The following CFAP61 variants were observed in gnomAD, a reference collection of about 807,000 sequenced individuals.
CFAP61 encodes cilia and flagella associated protein 61, also known as cilia- and flagella-associated protein 61.
A neutral mutation model predicts 135.6 loss-of-function variants in CFAP61; 107 were observed. That is an observed-to-expected ratio of 0.79 (90% confidence interval 0.67 to 0.93). The LOEUF is 0.93. CFAP61 is among the 40% of genes least tolerant of loss of function. CFAP61 has a pLI of 0.00. For missense variants in CFAP61, 1,507 were observed against 1,556.2 expected (o/e 0.97, Z 0.53); for synonymous variants, 575 against 578.5 (o/e 0.99, Z 0.09).
At chr20:20,103,919 CA>C (rs1294672834) in intron 8 of CFAP61, among the ~76,000 whole-genome samples, 4 of 152,156 alleles carry the variant, frequency 2.6e-5, no homozygotes, top group African/African-American at 9.7e-5. Context: ...TAAAAACAAG[CA>C]AAAAACAAAA....
chr20:20,264,658 A>T (rs1425918990), intron 21 of CFAP61, among the ~76,000 whole-genome samples: 1 of 152,190 alleles, frequency 6.6e-6, no homozygotes, highest in African/African-American at 2.4e-5. Context: ...CTGGGGGGCC[A>T]AGGTGAGAGG....
At chr20:20,318,815 G>A (rs2057283050) in intron 25 of CFAP61, among the ~76,000 whole-genome samples, 1 of 152,156 alleles carries the variant, frequency 6.6e-6, no homozygotes, top group African/African-American at 2.4e-5. Context: ...GGGATCCTGG[G>A]CAGACAAAAA....
At chr20:20,163,591 TTTTC>T (rs1278348268) in intron 10 of CFAP61, among the ~76,000 whole-genome samples, 1 of 151,634 alleles carries the variant, frequency 6.6e-6, no homozygotes. Flanking sequence ...CTAGTTTTTT[TTTTC>T]TTTATTATTA....
intron 8 of CFAP61, among the ~76,000 whole-genome samples, chr20:20,140,733 T>TA (rs71198042): frequency 0.9 from 135,943 of 150,830 alleles, 62,075 homozygotes; most frequent in Middle Eastern, 0.99. Flanking sequence ...CAAAGGACTA[T>TA]AATCATGCTG....
intron 13 of CFAP61, among the ~76,000 whole-genome samples, chr20:20,172,491 A>AT (rs1477179618): frequency 6.6e-6 from 1 of 151,558 alleles, no homozygotes; most frequent in Non-Finnish European, 1.5e-5. Flanking sequence ...TAATTTTTGT[A>AT]TTTTTTTGTA....
intron 26 of CFAP61, among the ~76,000 whole-genome samples, chr20:20,354,246 A>G (rs964500220): frequency 6.6e-6 from 1 of 152,212 alleles, no homozygotes; most frequent in Non-Finnish European, 1.5e-5. Context: ...GGTGGCCTGT[A>G]GTCCCAGCAC....
intron 6 of CFAP61, among the ~76,000 whole-genome samples, chr20:20,088,140 C>A (rs1345874995): frequency 2.0e-5 from 3 of 152,160 alleles, no homozygotes. Flanking sequence ...ACTAGAAATT[C>A]CTGCTGATGC....
At chr20:20,061,933 G>A (rs958778814) in intron 2 of CFAP61, among the ~76,000 whole-genome samples, 1 of 152,204 alleles carries the variant, frequency 6.6e-6, no homozygotes. Flanking sequence ...GAACCTGAGA[G>A]TGAACACCTC....
intron 8 of CFAP61, among the ~76,000 whole-genome samples, chr20:20,128,512 G>T (rs2050249661): frequency 6.6e-6 from 1 of 151,730 alleles, no homozygotes; most frequent in Non-Finnish European, 1.5e-5. Flanking sequence ...CACTTTCACA[G>T]TTGGGGCACT....
chr20:20,132,342 T>C (rs2050599812), intron 8 of CFAP61, among the ~76,000 whole-genome samples: 1 of 152,108 alleles, frequency 6.6e-6, no homozygotes, highest in Non-Finnish European at 1.5e-5. Context: ...CCTCGTTTTT[T>C]GTTTTGTTTT....
At chr20:20,352,281 A>C (rs1342034277) in intron 26 of CFAP61, among the ~76,000 whole-genome samples, 1 of 152,218 alleles carries the variant, frequency 6.6e-6, no homozygotes, top group East Asian at 1.9e-4. Flanking sequence ...CATAGTTCTC[A>C]GCATAGTTCA....
chr20:20,204,978 C>T (rs2056795038), intron 17 of CFAP61, among the ~76,000 whole-genome samples: 1 of 152,140 alleles, frequency 6.6e-6, no homozygotes, highest in African/African-American at 2.4e-5. Context: ...GGATCATTTA[C>T]ATAAGTTCCT....
rs1325218234 is a variant in CFAP61, at chr20:20,121,272, A to AT, written c.860-21575dup. Among the ~76,000 whole-genome samples the AT allele has an allele frequency of 7.8e-4, 116 of 148,136 alleles. 1 individual carries two copies. The highest frequency in any genetic ancestry group is 1.2e-3 in the Non-Finnish European group (83 of 66,778). On this transcript the variant is annotated intron_variant, in intron 8 of 26. Coordinates refer to ENST00000245957, the MANE Select transcript of CFAP61 (RefSeq NM_015585.4). ...AGGCACATGCCACTGCAACTGGCTA[A>AT]TTTTTTTTTTATTTTTAGTAGAGAT...
Position 20,223,308 on chromosome 20 carries a change from A to G in CFAP61, c.1933-4941A>G, listed in dbSNP as rs1601487444. Among the ~76,000 whole-genome samples the G allele has an allele frequency of 2.6e-5, 4 of 152,184 alleles. No homozygotes were observed. The East Asian group carries it at 7.7e-4, about 29-fold the overall frequency. Reference sequence around the variant, plus strand: ...CCATTTTATACCCGAGGAAACTGATATTTAGGAAAAAGAGGCTCAGAATTT... The same window carrying G: ...CCATTTTATACCCGAGGAAACTGATGTTTAGGAAAAAGAGGCTCAGAATTT... On this transcript the variant is annotated intron_variant, in intron 17 of 26. Transcript: ENST00000245957.
At chr20:20,346,518 C>CAAAA (rs533647243) in intron 26 of CFAP61, among the ~76,000 whole-genome samples, 2 of 131,964 alleles carry the variant, frequency 1.5e-5, no homozygotes, top group Non-Finnish European at 3.2e-5. Context: ...AACTCCGTCT[C>CAAAA]AAAAAAAAAA....
At chr20:20,180,644 G>A (rs2146849169) in intron 13 of CFAP61, among the ~76,000 whole-genome samples, 1 of 152,246 alleles carries the variant, frequency 6.6e-6, no homozygotes, top group Non-Finnish European at 1.5e-5. Flanking sequence ...ATTCCACCCA[G>A]CAACCCCACT....
intron 21 of CFAP61, among the ~76,000 whole-genome samples, chr20:20,276,452 A>G (rs139979976): frequency 6.6e-6 from 1 of 152,372 alleles, no homozygotes; most frequent in Non-Finnish European, 1.5e-5. Flanking sequence ...ATAGTAGAAT[A>G]GCATATGTAA....
chr20:20,341,911 C>A lies in CFAP61; in HGVS notation c.3503C>A (p.Ala1168Asp). The A allele has an allele frequency of 6.2e-7, 1 of 1,611,574 alleles. No individual in the cohort carries two copies. The highest frequency in any genetic ancestry group is 1.1e-5 in the South Asian group (1 of 90,896). Reference sequence around the variant, plus strand: ...AGGAAAGAGTTACGCCAAATCTTAGCCTCCAAGGAGGTAAGAGTGATTAAT... The same window carrying A: ...AGGAAAGAGTTACGCCAAATCTTAGACTCCAAGGAGGTAAGAGTGATTAAT... Reference protein sequence around the residue: ...DLRKELRQILASKEEEDLPSI... With the variant: ...DLRKELRQILDSKEEEDLPSI... The change falls in exon 26 of 27, where the codon GCC becomes GAC. Residue 1168 changes from alanine to aspartate, a missense_variant. Transcript: ENST00000245957.
At chr20:20,228,475 T>C in intron 18 of CFAP61, 99 bp downstream of exon 18, 1 of 1,033,478 alleles carries the variant, frequency 9.7e-7, no homozygotes, top group Non-Finnish European at 1.5e-6. Flanking sequence ...CCTGAGATTG[T>C]TTGGTACTCC....
Sources: allele counts gnomAD v4.1 joint callset (sites outside exome capture counted in the v4.1 genomes callset), GRCh38; gene constraint gnomAD v4.1.1; transcripts MANE v1.5; gene names NCBI Gene and HGNC (gene_info 2026-07-23, HGNC 2026-07-21).